Variants in NBEAL2 observed in about 807,000 individuals in gnomAD.
The protein encoded by NBEAL2 is neurobeachin-like protein 2.
NBEAL2 carries 160 observed loss-of-function variants against 299.8 expected under a neutral mutation model. The ratio of observed to expected loss-of-function variants is 0.53; its 90% CI spans 0.47 to 0.61. The LOEUF is 0.61. Ranked by LOEUF, NBEAL2 falls within the 20% of genes least tolerant of loss-of-function variation. The pLI is 0.00. For synonymous variants in NBEAL2, 1,493 were observed against 1,542.3 expected (o/e 0.97, Z 0.75); for missense variants, 3,112 against 3,649.0 (o/e 0.85, Z 3.79).
chr3:46,999,706 C>G lies in NBEAL2; in HGVS notation c.3780C>G (p.Ile1260Met), dbSNP rs771042846. The change falls in exon 26 of 54, where the codon ATC becomes ATG. Residue 1260 changes from isoleucine to methionine, a missense_variant. Ile to Met is a conservative substitution (Grantham distance 10). Around this residue, in one of 3 missense-constraint regions of NBEAL2, gnomAD observed 2,243 missense variants for 2,538.1 expected, o/e 0.88. Transcript: ENST00000450053. ...CTGACCTCAGCGTTCGCCTAGACAT[C>G]TGTCGCCAGGTGAGCATGAGAGGTA... ...LQADLSVRLD[I>M]CRQLFHLIYG... 6.2e-7 allele frequency: 1 copy of G among 1,613,344 alleles called. No homozygotes were observed. The highest frequency in any genetic ancestry group is 2.2e-5 in the East Asian group (1 of 44,872).
chr3:46,997,101 T>A (rs2036560609), intron 18 of NBEAL2, 55 bp downstream of exon 18: 2 of 1,571,296 alleles, frequency 1.3e-6, no homozygotes, highest in Admixed American at 3.4e-5. Context: ...GGGGCACATG[T>A]GTGTTCGGAG....
rs1319118156 is a variant in NBEAL2, at chr3:46,998,882, A to G, written c.3384+3A>G. 1 of 1,593,840 alleles carries G rather than the reference A, an allele frequency of 6.3e-7. No homozygotes were observed. The highest frequency in any genetic ancestry group is 1.1e-5 in the South Asian group (1 of 87,638). On this transcript the variant is annotated splice_donor_region_variant and intron_variant, in intron 23 of 53. Transcript: ENST00000450053. ...CGGCCACAGGCGATGACGGTCAGGTAGGCTGGAGGTTGGGGAGCGGGAGGC... is the reference window on the plus strand; with the variant it reads ...CGGCCACAGGCGATGACGGTCAGGTGGGCTGGAGGTTGGGGAGCGGGAGGC...
Position 46,989,488 on chromosome 3 carries a change from G to A in NBEAL2, c.474-23G>A. ...CAGGAGTGGTGAGAGCCGGGCTGAT[G>A]TACTTGGCCTCACTGCCCCCAGGGA... On this transcript the variant is annotated intron_variant, in intron 5 of 53. Transcript: ENST00000450053. This position sits in a 1 kb window ranked among gnomAD's most constrained non-coding sequence, Gnocchi z 5.5. 1 of 1,578,684 alleles carries A rather than the reference G, an allele frequency of 6.3e-7. No homozygotes were observed.
intron 1 of NBEAL2, among the ~76,000 whole-genome samples, chr3:46,980,929 T>TG (rs2035286694): frequency 6.6e-6 from 1 of 152,036 alleles, no homozygotes; most frequent in African/African-American, 2.4e-5. Flanking sequence ...AGTTTGTCAG[T>TG]GGGGGGAATT....
chr3:46,999,031 C>T lies in NBEAL2; in HGVS notation c.3457C>T (p.Leu1153=), dbSNP rs761899935. 1.9e-6 allele frequency: 3 copies of T among 1,602,624 alleles called. No individual in the cohort carries two copies. The highest frequency in any genetic ancestry group is 3.4e-5 in the Admixed American group (2 of 58,556). The change falls in exon 24 of 54, where the codon CTG becomes TTG. Residue 1153 remains leucine, a synonymous_variant. Transcript: ENST00000450053. ...GGTGCAGGAGTCCTTGGCTGTCTTTCTGTTGGAGCCAGGGAACCTCGAAGT... is the reference window on the plus strand; with the variant it reads ...GGTGCAGGAGTCCTTGGCTGTCTTTTTGTTGGAGCCAGGGAACCTCGAAGT... ...SLVQESLAVF[L]LEPGNLEVLL...
Position 47,005,008 on chromosome 3 carries a change from C to T in NBEAL2, c.6331C>T (p.Leu2111=), listed in dbSNP as rs1168297155. 3 of 1,611,780 alleles carry T rather than the reference C, an allele frequency of 1.9e-6. No homozygotes were observed. The highest frequency in any genetic ancestry group is 8.5e-7 in the Non-Finnish European group (1 of 1,179,116). Residue 2111 remains leucine (L), a synonymous_variant, in exon 39 of 54, where the codon CTG becomes TTG. Transcript: ENST00000450053. ...CCTGCAGGACTACGTGTCCCCAACCCTGGACCTCAGCAACCCAGCCGTCTT... is the reference window on the plus strand; with the variant it reads ...CCTGCAGGACTACGTGTCCCCAACCTTGGACCTCAGCAACCCAGCCGTCTT... ...WVLQDYVSPT[L]DLSNPAVFRD...
chr3:46,987,864 TG>T, intron 1 of NBEAL2: 1 of 353,220 alleles, frequency 2.8e-6, no homozygotes, highest in African/African-American at 2.2e-5. Flanking sequence ...CCTCTCTCAC[TG>T]GGGCCCAGGG....
Position 47,003,988 on chromosome 3 carries a change from T to C in NBEAL2, c.5881+12T>C. ...GGAAACCGAGGAGGGTGCGTCCTGG[T>C]GGTGTGGTTTAGGAGGATGGCAGGG... On this transcript the variant is annotated intron_variant, in intron 36 of 53. Transcript: ENST00000450053. The surrounding 1 kb of genome is among the most constrained non-coding windows in gnomAD (Gnocchi z 7.0). 2 of 1,611,886 alleles carry C rather than the reference T, an allele frequency of 1.2e-6. No individual in the cohort carries two copies. The highest frequency in any genetic ancestry group is 1.7e-6 in the Non-Finnish European group (2 of 1,178,598).
In NBEAL2 at chr3:47,004,846, T is replaced by G. The variant is rs2037304547; in HGVS notation, c.6295-126T>G. 7.1e-7 allele frequency: 1 copy of G among 1,410,992 alleles called. No homozygotes were observed. Among genetic ancestry groups the G allele is most frequent in the African/African-American group, 1.4e-5 (1 of 70,178 alleles). The allele number at this position is 1,410,992 out of a possible 1,614,324, so 87.4% of individuals were successfully genotyped here. A position where few individuals can be genotyped will look rare whatever the true frequency, so the allele number is the denominator to read the frequency against. On this transcript the variant is annotated intron_variant, in intron 38 of 53. Coordinates refer to ENST00000450053, the MANE Select transcript of NBEAL2 (RefSeq NM_015175.3). This position sits in a 1 kb window ranked among gnomAD's most constrained non-coding sequence, Gnocchi z 5.0. ...CTCTGTCCTTCTCCCCTGTGACCCC[T>G]CTAAGTGGTGCTCCCCCAACCTGTG...
chr3:46,997,263 TG>T lies in NBEAL2; in HGVS notation c.2656del (p.Val886Ter). 6.2e-7 allele frequency: 1 copy of T among 1,612,610 alleles called. No homozygotes were observed. The highest frequency in any genetic ancestry group is 8.5e-7 in the Non-Finnish European group (1 of 1,179,750). ...HRVETWDVKD[V>X]VNCVGGMGAL... is the part of the protein sequence containing the mutation. ...CTGCCATCCTCCTTCCCCCAGGATG[TG>T]GTGAACTGCGTTGGGGGTATGGGTG... On this transcript the variant is annotated frameshift_variant, in exon 19 of 54. Transcript: ENST00000450053. LOFTEE classifies it high-confidence loss of function.
rs749409008 is a variant in NBEAL2 at position 47,002,461 on chromosome 3, C to G, written c.5242C>G (p.Leu1748Val). The change falls in exon 32 of 54, where the codon CTT (leucine) becomes GTT (valine). Residue 1748 changes from leucine (L) to valine (V), a missense_variant. By Grantham distance (32) the Leu-to-Val change is conservative. This residue lies in a region of NBEAL2 where 2,243 missense variants were observed against 2,538.1 expected (regional missense o/e 0.88). Transcript: ENST00000450053. The part of the protein sequence containing the change: ...SGFWNACYDM[L>V]MSSGQRRQWE... ...TTTCTGGAATGCCTGCTATGACATG[C>G]TTATGAGCAGTGGGCAGCGGCGCCA... 5.6e-6 allele frequency: 9 copies of G among 1,613,276 alleles called. 1 individual carries two copies. The South Asian group carries it at 9.9e-5, about 18-fold the overall frequency.
rs1362878071 is a variant in NBEAL2, at chr3:47,001,023, G to A, written c.4328G>A (p.Cys1443Tyr). Residue 1443 changes from cysteine (C) to tyrosine (Y), a missense_variant, in exon 28 of 54, where the codon TGC becomes TAC. Cys to Tyr is a radical substitution (Grantham distance 194). This residue lies in a region of NBEAL2 where 2,243 missense variants were observed against 2,538.1 expected (regional missense o/e 0.88). Coordinates refer to ENST00000450053, the MANE Select transcript of NBEAL2 (RefSeq NM_015175.3). The surrounding 1 kb of genome is among the most constrained non-coding windows in gnomAD (Gnocchi z 6.1). ...CAGCAAACCTCTGAGGAAGAGTTGT[G>A]CAATCTGCTCACCAACGTGCTGTTC... ...NPQQTSEEEL[C>Y]NLLTNVLFSV... 6.2e-7 allele frequency: 1 copy of A among 1,611,064 alleles called. No individual in the cohort carries two copies. The highest frequency in any genetic ancestry group is 8.5e-7 in the Non-Finnish European group (1 of 1,178,818).
intron 1 of NBEAL2, among the ~76,000 whole-genome samples, chr3:46,983,166 TTCAGGGAGGTTAGG>T (rs965752341): frequency 2.6e-5 from 4 of 152,112 alleles, no homozygotes; most frequent in African/African-American, 9.6e-5. Flanking sequence ...CTCAGAAGGG[TTCAGGGAGGTTAGG>T]TCAGGCTGGA....
At chr3:46,985,674 G>A (rs1229063760) in intron 1 of NBEAL2, among the ~76,000 whole-genome samples, 1 of 152,210 alleles carries the variant, frequency 6.6e-6, no homozygotes, top group Admixed American at 6.5e-5. Flanking sequence ...CTCCCCTGCT[G>A]CAGGACCTGG....
chr3:47,002,183 G>A lies in NBEAL2; in HGVS notation c.5046G>A (p.Gln1682=). The A allele has an allele frequency of 6.5e-7, 1 of 1,528,008 alleles. No homozygotes were observed. Among genetic ancestry groups the A allele is most frequent in the Non-Finnish European group, 8.8e-7 (1 of 1,132,988 alleles). The allele number at this position is 1,528,008 out of a possible 1,614,324, so 94.7% of individuals were successfully genotyped here. A position where few individuals can be genotyped will look rare whatever the true frequency, so the allele number is the denominator to read the frequency against. ...GTGCCTATGAGCCGCTGGGGCTGCA[G>A]TGGGGACTGCCCTCCCTGCCACCCA... The part of the protein sequence containing the change: ...LDRAYEPLGL[Q]WGLPSLPPTN... The change falls in exon 31 of 54, where the codon CAG becomes CAA. Residue 1682 remains glutamine, a synonymous_variant. Transcript: ENST00000450053.
Position 47,001,249 on chromosome 3 carries a change from A to G in NBEAL2, c.4485-30A>G, listed in dbSNP as rs2036963146. On this transcript the variant is annotated intron_variant, in intron 28 of 53. Coordinates refer to ENST00000450053, the MANE Select transcript of NBEAL2 (RefSeq NM_015175.3). This position sits in a 1 kb window ranked among gnomAD's most constrained non-coding sequence, Gnocchi z 6.1. ...GGGGAAGGAGAGAAGATAGTCAGGT[A>G]GACCCTTGAGTTCCCCACTCACCCG... is the stretch of plus-strand genomic sequence containing the variant. 1 of 1,601,680 alleles carries G rather than the reference A, an allele frequency of 6.2e-7. No homozygotes were observed. The highest frequency in any genetic ancestry group is 1.7e-5 in the Admixed American group (1 of 59,354).
Position 47,001,881 on chromosome 3 carries a change from A to G in NBEAL2, c.4783-39A>G, listed in dbSNP as rs752768478. The G allele has an allele frequency of 4.4e-6, 7 of 1,608,006 alleles. No homozygotes were observed. The East Asian group carries it at 1.3e-4, about 31-fold the overall frequency. The stretch of plus-strand genomic sequence containing the variant: ...GGCGTGTGAGATGTCGGGAGCTCCA[A>G]GAGTGGCTGGGTGCCACTCATCTCT... On this transcript the variant is annotated intron_variant, in intron 30 of 53. Transcript: ENST00000450053. This position sits in a 1 kb window ranked among gnomAD's most constrained non-coding sequence, Gnocchi z 6.1.
In NBEAL2 at chr3:46,997,270, C is replaced by T. The variant is rs190504847; in HGVS notation, c.2661C>T (p.Asn887=). 9.6e-5 allele frequency: 155 copies of T among 1,612,712 alleles called. 1 individual carries two copies. In the African/African-American group the frequency reaches 1.8e-3, roughly 18 times the overall value. ...VETWDVKDVV[N]CVGGMGALLP... Reference sequence around the variant, plus strand: ...CCTCCTTCCCCCAGGATGTGGTGAACTGCGTTGGGGGTATGGGTGCCCTGC... The same window carrying T: ...CCTCCTTCCCCCAGGATGTGGTGAATTGCGTTGGGGGTATGGGTGCCCTGC... The change falls in exon 19 of 54, where the codon AAC becomes AAT. Residue 887 remains asparagine (N), a synonymous_variant. Coordinates refer to ENST00000450053, the MANE Select transcript of NBEAL2 (RefSeq NM_015175.3).
rs1193574521 is a variant in NBEAL2 at position 46,984,028 on chromosome 3, C to T, written c.51+4116C>T. ...CTTAAAAAAAAATAGTGTCCAGGCGCGGTGTTTCACGCCTGTAATCCCAGC... is the reference window on the plus strand; with the variant it reads ...CTTAAAAAAAAATAGTGTCCAGGCGTGGTGTTTCACGCCTGTAATCCCAGC... On this transcript the variant is annotated intron_variant, in intron 1 of 53. Coordinates refer to ENST00000450053, the MANE Select transcript of NBEAL2 (RefSeq NM_015175.3). Among the ~76,000 whole-genome samples the T allele has an allele frequency of 4.6e-5, 7 of 151,602 alleles. No homozygotes were observed. In the East Asian group the frequency reaches 5.8e-4, roughly 13 times the overall value.
Sources: allele counts gnomAD v4.1 joint callset (sites outside exome capture counted in the v4.1 genomes callset), GRCh38; gene constraint gnomAD v4.1.1; regional missense constraint gnomAD v4.1.1; non-coding constraint Gnocchi (gnomAD v3.1); transcripts MANE v1.5; gene names NCBI Gene and HGNC (gene_info 2026-07-23, HGNC 2026-07-21).